Variants in TIMM23B observed in about 807,000 individuals in gnomAD.
TIMM23B encodes mitochondrial import inner membrane translocase subunit Tim23B.
A neutral mutation model predicts 27.3 loss-of-function variants in TIMM23B; 27 were observed. That is an observed-to-expected ratio of 0.99 (90% CI 0.73 to 1.36). The LOEUF is 1.36. Ranked by LOEUF, TIMM23B falls within the 40% of genes most tolerant of loss-of-function variation. TIMM23B has a pLI of 0.00. For missense variants in TIMM23B, 205 were observed against 244.2 expected, an observed-to-expected ratio of 0.84 and a Z score of 1.07; for synonymous variants, 73 against 92.4, an observed-to-expected ratio of 0.79 and a Z score of 1.21.
rs1173567542 is a variant in TIMM23B, at chr10:49,947,148, A to G, written c.165+2058A>G. On this transcript the variant is annotated intron_variant, in intron 2 of 6. Transcript: ENST00000651259. ...CCAAATGGATTAAAGACTTAAATGT[A>G]AACCGAAGCAGTCAAACTCTTAGAA... is the stretch of plus-strand genomic sequence containing the variant. Among the ~76,000 whole-genome samples the G allele has an allele frequency of 3.9e-3, 591 of 152,376 alleles. 7 individuals are homozygous for G. Among genetic ancestry groups the G allele is most frequent in the African/African-American group, 0.014 (571 of 41,586 alleles).
chr10:49,967,371 G>A lies in TIMM23B; in HGVS notation c.515-5641G>A, dbSNP rs142919152. On this transcript the variant is annotated intron_variant, in intron 6 of 6. Coordinates refer to ENST00000651259, the MANE Select transcript of TIMM23B (RefSeq NM_001290117.2). The stretch of plus-strand genomic sequence containing the variant: ...CATTTCCAAATCCATGAATCTGGAC[G>A]TTGAAGTTATATTTGTATTCCCACC... Among the ~76,000 whole-genome samples the A allele has an allele frequency of 3.2e-3, 491 of 152,306 alleles. 1 individual carries two copies. The highest frequency in any genetic ancestry group is 0.011 in the African/African-American group (461 of 41,562).
chr10:49,952,438 T>C lies in TIMM23B; in HGVS notation c.260-11T>C. The C allele has an allele frequency of 1.2e-6, 2 of 1,612,678 alleles. No homozygotes were observed. The highest frequency in any genetic ancestry group is 1.7e-6 in the Non-Finnish European group (2 of 1,179,352). ...GCTGTCTTATCTGGGTGAATTTTTA[T>C]GATTTACCAGGGGCTGCGTTTGGGG... On this transcript the variant is annotated splice_polypyrimidine_tract_variant and intron_variant, in intron 3 of 6. Transcript: ENST00000651259.
chr10:49,948,491 TA>T (rs1375334326), intron 2 of TIMM23B, among the ~76,000 whole-genome samples: 4 of 152,100 alleles, frequency 2.6e-5, no homozygotes, highest in African/African-American at 9.7e-5. Context: ...GATGAATGGA[TA>T]AAAAAGTGTG....
chr10:49,952,006 G>C (rs1346205697), intron 2 of TIMM23B, 120 bp from the exon 3 acceptor site: 8 of 693,030 alleles, frequency 1.2e-5, no homozygotes, highest in Non-Finnish European at 2.0e-5. Context: ...TTTAAGTATA[G>C]GTTTGAGTTA....
chr10:49,961,269 G>C (rs1192061103), intron 6 of TIMM23B, among the ~76,000 whole-genome samples: 91 of 149,098 alleles, frequency 6.1e-4, no homozygotes, highest in African/African-American at 2.2e-3. Flanking sequence ...TGAAATCCCA[G>C]CTACTCGGGA....
At chr10:49,951,063 G>T (rs1268724610) in intron 2 of TIMM23B, among the ~76,000 whole-genome samples, 3 of 152,140 alleles carry the variant, frequency 2.0e-5, no homozygotes, top group African/African-American at 7.2e-5. Flanking sequence ...ATTATGACAT[G>T]GGAACTATTC....
At chr10:49,966,359 G>A (rs1317585623) in intron 6 of TIMM23B, among the ~76,000 whole-genome samples, 3 of 151,648 alleles carry the variant, frequency 2.0e-5, no homozygotes, top group East Asian at 2.0e-4. Flanking sequence ...TTTCCATCTC[G>A]AAATGAAATG....
intron 1 of TIMM23B, among the ~76,000 whole-genome samples, chr10:49,943,737 GTTTTTTTTT>G (rs35547755): frequency 2.1e-4 from 24 of 113,630 alleles, no homozygotes; most frequent in African/African-American, 8.4e-4. Context: ...GTTTTTGTGG[GTTTTTTTTT>G]TTTTTTTTTT....
chr10:49,951,047 AATTAT>A (rs1839513589), intron 2 of TIMM23B, among the ~76,000 whole-genome samples: 3 of 152,198 alleles, frequency 2.0e-5, no homozygotes, highest in African/African-American at 7.2e-5. Context: ...AACTCTATAC[AATTAT>A]ATTATGACAT....
At chr10:49,947,167 C>T (rs1839378679) in intron 2 of TIMM23B, among the ~76,000 whole-genome samples, 1 of 152,146 alleles carries the variant, frequency 6.6e-6, no homozygotes, top group East Asian at 1.9e-4. Flanking sequence ...CAGTCAAACT[C>T]TTAGAAGAAA....
In TIMM23B at chr10:49,967,711, C is replaced by G. The variant is rs564501225; in HGVS notation, c.515-5301C>G. ...GACTATGTTACTACTGCAAGAAGGT[C>G]CTTGCCACAGAAAGTTAGACTCTCA... is the stretch of plus-strand genomic sequence containing the variant. On this transcript the variant is annotated intron_variant, in intron 6 of 6. Transcript: ENST00000651259. Among the ~76,000 whole-genome samples, 14 of 152,254 alleles carry G rather than the reference C, an allele frequency of 9.2e-5. No homozygotes were observed. The South Asian group carries it at 2.7e-3, about 29-fold the overall frequency.
intron 6 of TIMM23B, chr10:49,972,749 A>C: frequency 1.9e-6 from 1 of 517,912 alleles, no homozygotes; most frequent in Non-Finnish European, 3.5e-6. Flanking sequence ...CAGTGCATGA[A>C]AGTGTTTTAG....
chr10:49,965,134 C>T (rs1285183793), intron 6 of TIMM23B, among the ~76,000 whole-genome samples: 2 of 151,852 alleles, frequency 1.3e-5, no homozygotes, highest in Non-Finnish European at 2.9e-5. Flanking sequence ...AGAGGAGAAT[C>T]GCTTGTACCC....
Position 49,961,606 on chromosome 10 carries a change from G to GTT in TIMM23B, c.514+3136_514+3137dup, listed in dbSNP as rs1327481171. Among the ~76,000 whole-genome samples the GTT allele has an allele frequency of 4.1e-4, 60 of 146,082 alleles. 1 individual carries two copies. The highest frequency in any genetic ancestry group is 3.4e-3 in the Middle Eastern group (1 of 290). ...CTAAAGTCACTAAAATGTTTCCCTT[G>GTT]TTTTTTTTTTTGAGTTGCGGTCTTG... On this transcript the variant is annotated intron_variant, in intron 6 of 6. Transcript: ENST00000651259.
intron 1 of TIMM23B, among the ~76,000 whole-genome samples, chr10:49,942,833 G>A (rs1445467449): frequency 1.1e-4 from 17 of 152,116 alleles, no homozygotes; most frequent in Admixed American, 1.1e-3. Flanking sequence ...TAGACATGAA[G>A]AAAGAAGCCA....
chr10:49,956,608 TCTGCATAGCCAGTC>T, intron 5 of TIMM23B, among the ~76,000 whole-genome samples: 2 of 146,844 alleles, frequency 1.4e-5, no homozygotes, highest in African/African-American at 4.9e-5. Context: ...CAGGCGTTTC[TCTGCATAGCCAGTC>T]AGTCGTGTAT....
At chr10:49,951,896 A>G (rs1325732730) in intron 2 of TIMM23B, among the ~76,000 whole-genome samples, 2 of 152,226 alleles carry the variant, frequency 1.3e-5, no homozygotes, top group Non-Finnish European at 2.9e-5. Flanking sequence ...TACGTTTTGA[A>G]GGAAACAAAG....
At chr10:49,942,933 T>G (rs1839198862) in intron 1 of TIMM23B, among the ~76,000 whole-genome samples, 1 of 152,216 alleles carries the variant, frequency 6.6e-6, no homozygotes, top group African/African-American at 2.4e-5. Context: ...CTTGTGAATA[T>G]GTTTTCCAGA....
intron 1 of TIMM23B, among the ~76,000 whole-genome samples, chr10:49,944,072 C>T (rs1195454658): frequency 1.3e-5 from 2 of 152,164 alleles, no homozygotes; most frequent in African/African-American, 4.8e-5. Context: ...AGTCTGTCTT[C>T]GTAGTTACAA....
Sources: allele counts gnomAD v4.1 joint callset (sites outside exome capture counted in the v4.1 genomes callset), GRCh38; gene constraint gnomAD v4.1.1; transcripts MANE v1.5; gene names NCBI Gene and HGNC (gene_info 2026-07-23, HGNC 2026-07-21).